The following WDR3 variants were observed in gnomAD, a reference collection of about 807,000 sequenced individuals.
WDR3 encodes the protein WD repeat domain 3, also known as WD repeat-containing protein 3.
In WDR3, 81 loss-of-function variants were observed where a neutral mutation model predicts 123.7. That is an observed-to-expected ratio of 0.65 (90% CI 0.55 to 0.79). WDR3 has a LOEUF of 0.79. Among genes scored for constraint, WDR3 ranks in the 30% least tolerant of loss-of-function variants. WDR3 has a pLI of 0.00. For synonymous variants in WDR3, 390 were observed against 388.8 expected (o/e 1.00, Z -0.04); for missense variants, 1,027 against 1,123.2 (o/e 0.91, Z 1.22).
chr1:117,933,458 G>A lies in WDR3; in HGVS notation c.139G>A (p.Val47Ile), dbSNP rs780677382. 3.7e-6 allele frequency: 6 copies of A among 1,614,134 alleles called. No homozygotes were observed. The Admixed American group carries it at 6.7e-5, about 18-fold the overall frequency. ...TGTGGCAGTACCAGCTTGTGAACAC[G>A]TTTTCATCTGGGACTTAAGGAAAGG... The part of the protein sequence containing the change: ...RYVAVPACEH[V>I]FIWDLRKGEK... Residue 47 changes from valine (V) to isoleucine (I), a missense_variant, in exon 2 of 27, where the codon GTT becomes ATT. By Grantham distance (29) the Val-to-Ile change is conservative. Transcript: ENST00000349139.
Position 117,960,934 on chromosome 1 carries a change from C to T in WDR3, c.*1487C>T, listed in dbSNP as rs187283742. ...TAACTACTTTTTTCCTAATTTTTTT[C>T]ATCTGAAACTTTTCTCATTGTTTCA... is the stretch of plus-strand genomic sequence containing the variant. On this transcript the variant is annotated 3_prime_UTR_variant, in exon 27 of 27. Coordinates refer to ENST00000349139, the MANE Select transcript of WDR3 (RefSeq NM_006784.3). The T allele has an allele frequency of 2.6e-5, 4 of 152,118 alleles. No homozygotes were observed. The highest frequency in any genetic ancestry group is 9.6e-5 in the African/African-American group (4 of 41,520). 9.4% of individuals were successfully genotyped at this position (152,118 alleles called of 1,614,324 possible).
intron 2 of WDR3, 35 bp from the exon 3 acceptor site, chr1:117,934,438 C>T (rs1650845283): frequency 1.9e-6 from 3 of 1,604,080 alleles, no homozygotes; most frequent in Admixed American, 1.7e-5. Flanking sequence ...TCATGCTTAA[C>T]TCTTCTACAT....
Position 117,964,072 on chromosome 1 carries a change from C to A in WDR3, c.*4625C>A. ...ATTTTAGGTAACTGTCTATCCAATG[C>A]AAATTCTGCATGCTCAGGCTTGGGG... On this transcript the variant is annotated 3_prime_UTR_variant, in exon 27 of 27. Coordinates refer to ENST00000349139, the MANE Select transcript of WDR3 (RefSeq NM_006784.3). 1 of 946,514 alleles carries A rather than the reference C, an allele frequency of 1.1e-6. No homozygotes were observed. The highest frequency in any genetic ancestry group is 1.6e-6 in the Non-Finnish European group (1 of 635,568). The allele number at this position is 946,514 out of a possible 1,614,324, so 58.6% of individuals were successfully genotyped here.
At chr1:117,948,987 T>G (rs1298170399) in intron 13 of WDR3, among the ~76,000 whole-genome samples, 1 of 152,198 alleles carries the variant, frequency 6.6e-6, no homozygotes, top group Non-Finnish European at 1.5e-5. Flanking sequence ...TTGAGATTTT[T>G]TTTTTTGACA....
intron 25 of WDR3, 146 bp downstream of exon 25, chr1:117,957,342 T>A (rs1652363832): frequency 1.9e-6 from 2 of 1,035,734 alleles, no homozygotes; most frequent in African/African-American, 3.3e-5. Context: ...TTTGGGAGGC[T>A]GAGGTGGGTG....
At position 117,966,513 on chromosome 1, in the gene WDR3, TTAA is replaced by T; in HGVS notation, c.*7070_*7072del. 8.6e-7 allele frequency: 1 copy of T among 1,167,960 alleles called. No homozygotes were observed. The highest frequency in any genetic ancestry group is 1.2e-6 in the Non-Finnish European group (1 of 858,474). The allele number at this position is 1,167,960 out of a possible 1,614,324, so 72.3% of individuals were successfully genotyped here. On this transcript the variant is annotated 3_prime_UTR_variant, in exon 27 of 27. Transcript: ENST00000349139. ...TTTAACTCTGATTTTGAAGATAGAA[TTAA>T]TAAAGTAGAGATGCATTTTGACTTC... is the stretch of plus-strand genomic sequence containing the variant.
Position 117,952,946 on chromosome 1 carries a change from G to A in WDR3, c.2152G>A (p.Glu718Lys), listed in dbSNP as rs755873578. 1 of 1,612,846 alleles carries A rather than the reference G, an allele frequency of 6.2e-7. No homozygotes were observed. Among genetic ancestry groups the A allele is most frequent in the African/African-American group, 1.3e-5 (1 of 74,842 alleles). ...TTAATGTATATCTATCTCATGGCAG[G>A]AAAGAGAAGCAGAATATGAGGAGAG... ...PLILEEEREMEREAEYEESVA... is the reference protein window; with the variant it reads ...PLILEEEREMKREAEYEESVA... The change falls in exon 20 of 27, where the codon GAA becomes AAA. Residue 718 changes from glutamate to lysine, a missense_variant and splice_region_variant. Transcript: ENST00000349139.
intron 21 of WDR3, 82 bp from the exon 22 acceptor site, chr1:117,953,925 T>G: frequency 8.3e-7 from 1 of 1,200,978 alleles, no homozygotes; most frequent in Non-Finnish European, 1.2e-6. Flanking sequence ...TTTGGCAAAT[T>G]TCTGGTCAGT....
At chr1:117,951,582 T>C (rs1367282506) in intron 16 of WDR3, among the ~76,000 whole-genome samples, 1 of 151,452 alleles carries the variant, frequency 6.6e-6, no homozygotes, top group Non-Finnish European at 1.5e-5. Context: ...GAAATACTGA[T>C]AGGGAATGTG....
chr1:117,946,132 T>A lies in WDR3; in HGVS notation c.1375T>A (p.Cys459Ser). 6.2e-7 allele frequency: 1 copy of A among 1,613,456 alleles called. No homozygotes were observed. The highest frequency in any genetic ancestry group is 2.2e-5 in the East Asian group (1 of 44,840). Residue 459 changes from cysteine (C) to serine (S), a missense_variant, in exon 12 of 27, where the codon TGC (cysteine) becomes AGC (serine). By Grantham distance (112) the Cys-to-Ser change is moderately radical. Coordinates refer to ENST00000349139, the MANE Select transcript of WDR3 (RefSeq NM_006784.3). The stretch of plus-strand genomic sequence containing the variant: ...CACAATGACCTGTGAATATGCACTT[T>A]GCTCATTCTTTGTACCTGGTGATAG... The part of the protein sequence containing the change: ...IRTMTCEYAL[C>S]SFFVPGDRQV...
In WDR3 at chr1:117,955,361, G is replaced by T. The variant is rs1652032746; in HGVS notation, c.2453+3G>T. The T allele has an allele frequency of 6.2e-7, 1 of 1,612,040 alleles. No individual in the cohort carries two copies. The highest frequency in any genetic ancestry group is 8.5e-7 in the Non-Finnish European group (1 of 1,178,744). ...ATTTTTAAAGGGATCAAGTCGAGGT[G>T]AGTGAGTCCTTGCGCACAATTTTTG... On this transcript the variant is annotated splice_donor_region_variant and intron_variant, in intron 24 of 26. Transcript: ENST00000349139.
rs1186517378 is a variant in WDR3, at chr1:117,963,133, TCACTGAGCCCAACTCTTA to T, written c.*3689_*3706del. ...GAACACAGTACACATTGTGTAACAGTCACTGAGCCCAACTCTTACATAGGGCCTGGCAGTGTTGCCCTT... is the reference window on the plus strand; with the variant it reads ...GAACACAGTACACATTGTGTAACAGTCATAGGGCCTGGCAGTGTTGCCCTT... On this transcript the variant is annotated 3_prime_UTR_variant, in exon 27 of 27. Coordinates refer to ENST00000349139, the MANE Select transcript of WDR3 (RefSeq NM_006784.3). 3.3e-5 allele frequency: 5 copies of T among 152,184 alleles called. No homozygotes were observed. Among genetic ancestry groups the T allele is most frequent in the Non-Finnish European group, 5.9e-5 (4 of 68,044 alleles). 9.4% of individuals were successfully genotyped at this position (152,184 alleles called of 1,614,324 possible).
At position 117,933,577 on chromosome 1, in the gene WDR3, A is replaced by T. The variant is rs1650811252; in HGVS notation, c.171+87A>T. The T allele has an allele frequency of 1.9e-6, 3 of 1,563,174 alleles. No individual in the cohort carries two copies. The African/African-American group carries it at 4.2e-5, about 22-fold the overall frequency. On this transcript the variant is annotated intron_variant, in intron 2 of 26. Coordinates refer to ENST00000349139, the MANE Select transcript of WDR3 (RefSeq NM_006784.3). ...GAAGTGGGGGGGCTCTGATTTATTT[A>T]TCATGAGTTTTTTTGTGTCTGTGCC...
chr1:117,949,289 G>A (rs1045872208), intron 13 of WDR3, among the ~76,000 whole-genome samples: 1 of 152,086 alleles, frequency 6.6e-6, no homozygotes, highest in East Asian at 1.9e-4. Flanking sequence ...TTGAGATCCA[G>A]TGTTCTATGT....
At chr1:117,950,316 A>G (rs1276270831) in intron 15 of WDR3, among the ~76,000 whole-genome samples, 186 bp downstream of exon 15, 2 of 152,212 alleles carry the variant, frequency 1.3e-5, no homozygotes, top group East Asian at 3.8e-4. Context: ...TCTATGGTTC[A>G]TGAATTTTGT....
At chr1:117,942,353 A>G in intron 9 of WDR3, 84 bp from the exon 10 acceptor site, 3 of 1,113,184 alleles carry the variant, frequency 2.7e-6, no homozygotes, top group Non-Finnish European at 4.0e-6. Context: ...TTTGTTGGTC[A>G]AGGGGCCAGA....
At chr1:117,948,802 T>C (rs1651500768) in intron 13 of WDR3, among the ~76,000 whole-genome samples, 1 of 152,176 alleles carries the variant, frequency 6.6e-6, no homozygotes, top group African/African-American at 2.4e-5. Flanking sequence ...TGCAGAGAAC[T>C]GAATAGACTT....
Position 117,950,124 on chromosome 1 carries a change from T to C in WDR3, c.1740T>C (p.Thr580=). The change falls in exon 15 of 27, where the codon ACT becomes ACC. Residue 580 remains threonine (T), a synonymous_variant. Coordinates refer to ENST00000349139, the MANE Select transcript of WDR3 (RefSeq NM_006784.3). ...DCTVKIFYVD[T]LKFFLSLYGH... is the part of the protein sequence containing the mutation. ...CTGTGAAAATTTTCTACGTTGATAC[T>C]TTAAAGGTACAGTGGTTATGCCTGC... 1 of 1,613,860 alleles carries C rather than the reference T, an allele frequency of 6.2e-7. No individual in the cohort carries two copies. The highest frequency in any genetic ancestry group is 8.5e-7 in the Non-Finnish European group (1 of 1,179,836).
chr1:117,930,479 T>A (rs1650672601), intron 1 of WDR3, among the ~76,000 whole-genome samples: 1 of 152,118 alleles, frequency 6.6e-6, no homozygotes, highest in African/African-American at 2.4e-5. Context: ...GACAGGAAGG[T>A]TTATTCGAGA....
Sources: allele counts gnomAD v4.1 joint callset (sites outside exome capture counted in the v4.1 genomes callset), GRCh38; gene constraint gnomAD v4.1.1; transcripts MANE v1.5; gene names NCBI Gene and HGNC (gene_info 2026-07-23, HGNC 2026-07-21).